HHIP: variants seen among roughly 807,000 people sequenced by gnomAD.
The protein encoded by HHIP is hedgehog interacting protein.
A neutral mutation model predicts 74.0 loss-of-function variants in HHIP; 12 were observed. The observed-to-expected ratio is 0.16, with a 90% CI of 0.10 to 0.26. HHIP has a LOEUF of 0.26. Ranked by LOEUF, HHIP falls within the 10% of genes least tolerant of loss-of-function variation. The pLI is 1.00. For synonymous variants in HHIP, 309 were observed against 311.6 expected (o/e 0.99, Z 0.09); for missense variants, 788 against 845.0 (o/e 0.93, Z 0.84).
At chr4:144,648,009 C>G (rs774863537) in intron 1 of HHIP, among the ~76,000 whole-genome samples, 1 of 151,728 alleles carries the variant, frequency 6.6e-6, no homozygotes, top group Non-Finnish European at 1.5e-5. Context: ...AATACCCAGG[C>G]TGAATCTAAT....
chr4:144,684,232 ATTTTTTTTTTTTTTTTTTTTTTT>A (rs1174297815), intron 4 of HHIP, among the ~76,000 whole-genome samples: 37 of 63,010 alleles, frequency 5.9e-4, no homozygotes, highest in South Asian at 1.5e-3. Flanking sequence ...AAAAAAAAGA[ATTTTTTTTTTTTTTTTTTTTTTT>A]TTTTTTTTTT....
intron 4 of HHIP, among the ~76,000 whole-genome samples, chr4:144,676,617 C>T (rs375629939): frequency 5.3e-5 from 8 of 152,270 alleles, no homozygotes; most frequent in Admixed American, 3.9e-4. Flanking sequence ...AGGCCCATCT[C>T]TGGAGCCATC....
chr4:144,714,189 A>C, intron 8 of HHIP, 36 bp from the exon 9 acceptor site: 1 of 1,583,532 alleles, frequency 6.3e-7, no homozygotes, highest in East Asian at 2.2e-5. Context: ...TTATGAAAAT[A>C]TGTTTCATTT....
intron 6 of HHIP, 152 bp from the exon 7 acceptor site, chr4:144,708,016 T>G (rs549284543): frequency 1.3e-6 from 1 of 764,786 alleles, no homozygotes; most frequent in African/African-American, 1.7e-5. Flanking sequence ...GTGCTGGGAT[T>G]ACAGACGTGA....
chr4:144,734,725 T>C lies in HHIP; in HGVS notation c.1761-16T>C. 1 of 1,525,696 alleles carries C rather than the reference T, an allele frequency of 6.6e-7. No individual in the cohort carries two copies. The allele number at this position is 1,525,696 out of a possible 1,614,324, so 94.5% of individuals were successfully genotyped here. ...TTCAAATGGAATACACTTTCAACTATTGTGTTTTAATGTAGACCTTTAATG... is the reference window on the plus strand; with the variant it reads ...TTCAAATGGAATACACTTTCAACTACTGTGTTTTAATGTAGACCTTTAATG... On this transcript the variant is annotated splice_polypyrimidine_tract_variant and intron_variant, in intron 11 of 12. Coordinates refer to ENST00000296575, the MANE Select transcript of HHIP (RefSeq NM_022475.3).
chr4:144,738,798 G>A lies in HHIP; in HGVS notation c.*841G>A. Reference sequence around the variant, plus strand: ...TTTTCACCAACTTAATTGGAAAGAAGGGGAGTGAGAAAGCAAACAGTCTTT... The same window carrying A: ...TTTTCACCAACTTAATTGGAAAGAAAGGGAGTGAGAAAGCAAACAGTCTTT... On this transcript the variant is annotated 3_prime_UTR_variant, in exon 13 of 13. Coordinates refer to ENST00000296575, the MANE Select transcript of HHIP (RefSeq NM_022475.3). 1.9e-6 allele frequency: 1 copy of A among 539,396 alleles called. No individual in the cohort carries two copies. The highest frequency in any genetic ancestry group is 2.4e-6 in the Non-Finnish European group (1 of 422,346). The allele number at this position is 539,396 out of a possible 1,614,324, so 33.4% of individuals were successfully genotyped here.
chr4:144,727,399 T>C (rs1730835562), intron 11 of HHIP, among the ~76,000 whole-genome samples: 1 of 152,170 alleles, frequency 6.6e-6, no homozygotes, highest in African/African-American at 2.4e-5. Flanking sequence ...ATATGTGATT[T>C]TGGAGGGAAA....
intron 1 of HHIP, 152 bp downstream of exon 1, chr4:144,647,106 TTG>T (rs1728287949): frequency 1.6e-6 from 1 of 635,220 alleles, no homozygotes; most frequent in Admixed American, 3.0e-5. Flanking sequence ...CGTGATTCCG[TTG>T]TGTGTTCCTC....
chr4:144,721,701 G>T (rs981016130), intron 11 of HHIP, among the ~76,000 whole-genome samples: 6 of 151,780 alleles, frequency 4.0e-5, no homozygotes, highest in African/African-American at 1.5e-4. Flanking sequence ...AGGAGTTTGA[G>T]ACTAGCCTGG....
intron 4 of HHIP, among the ~76,000 whole-genome samples, chr4:144,661,076 T>G (rs1728700014): frequency 6.6e-6 from 1 of 152,198 alleles, no homozygotes; most frequent in African/African-American, 2.4e-5. Flanking sequence ...CTCAGAATAC[T>G]GGAAAATTTT....
intron 4 of HHIP, among the ~76,000 whole-genome samples, chr4:144,693,081 T>C (rs770698017): frequency 6.6e-6 from 1 of 152,142 alleles, no homozygotes; most frequent in Non-Finnish European, 1.5e-5. Flanking sequence ...AGGATAAATG[T>C]TCATAACGTT....
chr4:144,653,563 G>A (rs1487028881), intron 2 of HHIP, among the ~76,000 whole-genome samples: 1 of 152,026 alleles, frequency 6.6e-6, no homozygotes, highest in Non-Finnish European at 1.5e-5. Flanking sequence ...TTAGTTGGAA[G>A]ACTCAACATA....
intron 11 of HHIP, among the ~76,000 whole-genome samples, chr4:144,719,482 T>A (rs1730568884): frequency 6.6e-6 from 1 of 152,212 alleles, no homozygotes; most frequent in Non-Finnish European, 1.5e-5. Flanking sequence ...TAGGGTTTTG[T>A]TATTTGCTTC....
At chr4:144,661,141 C>T (rs1252041623) in intron 4 of HHIP, 2 of 152,120 alleles carry the variant, frequency 1.3e-5, no homozygotes, top group African/African-American at 4.8e-5. Context: ...CCTTTTAAAT[C>T]AGGGTTCCTT....
rs1473203848 is a variant in HHIP, at chr4:144,741,822, T to A, written c.*3865T>A. 3 of 152,186 alleles carry A rather than the reference T, an allele frequency of 2.0e-5. No individual in the cohort carries two copies. Among genetic ancestry groups the A allele is most frequent in the Non-Finnish European group, 4.4e-5 (3 of 68,042 alleles). 9.4% of individuals were successfully genotyped at this position (152,186 alleles called of 1,614,324 possible). A position where few individuals can be genotyped will look rare whatever the true frequency, so the allele number is the denominator to read the frequency against. On this transcript the variant is annotated 3_prime_UTR_variant, in exon 13 of 13. Coordinates refer to ENST00000296575, the MANE Select transcript of HHIP (RefSeq NM_022475.3). ...TATTAGTCTAACTTTCTGTTAAGTCTCTTAGCTTTGAAACATAAAAGAGAA... is the reference window on the plus strand; with the variant it reads ...TATTAGTCTAACTTTCTGTTAAGTCACTTAGCTTTGAAACATAAAAGAGAA...
intron 10 of HHIP, 194 bp downstream of exon 10, chr4:144,715,624 C>T (rs1333150764): frequency 5.2e-5 from 20 of 384,064 alleles, no homozygotes; most frequent in Admixed American, 2.2e-4. Flanking sequence ...CCCTGAGAGC[C>T]TTTATATTTT....
At chr4:144,667,554 CT>C (rs1469950445) in intron 4 of HHIP, among the ~76,000 whole-genome samples, 5 of 152,072 alleles carry the variant, frequency 3.3e-5, no homozygotes, top group Admixed American at 6.6e-5. Flanking sequence ...AAAACAACAC[CT>C]TTTGACAGCA....
At chr4:144,668,459 A>G (rs142591810) in intron 4 of HHIP, among the ~76,000 whole-genome samples, 112 of 151,284 alleles carry the variant, frequency 7.4e-4, no homozygotes, top group African/African-American at 2.7e-3. Flanking sequence ...CGGGTGCAAG[A>G]ATACATAAGT....
intron 4 of HHIP, among the ~76,000 whole-genome samples, chr4:144,680,902 C>T (rs1285906099): frequency 6.6e-6 from 1 of 152,072 alleles, no homozygotes; most frequent in African/African-American, 2.4e-5. Flanking sequence ...TCTCATTGTT[C>T]CCAGTATTGA....
Sources: gnomAD v4.1 joint callset for allele counts (sites outside exome capture counted in the v4.1 genomes callset) on GRCh38, gnomAD v4.1.1 for gene constraint, MANE v1.5 for transcripts, NCBI Gene and HGNC (gene_info 2026-07-23, HGNC 2026-07-21) for gene names.